DUS1L: variants seen among roughly 807,000 people sequenced by gnomAD.
DUS1L encodes the protein tRNA-dihydrouridine(16/17) synthase [NAD(P)(+)]-like.
In DUS1L, 56 loss-of-function variants were observed where a neutral mutation model predicts 61.2. The ratio of observed to expected loss-of-function variants is 0.92; its 90% CI spans 0.74 to 1.14. The LOEUF (loss-of-function observed/expected upper bound fraction) is 1.14. Ranked by LOEUF, DUS1L falls within the 50% of genes most tolerant of loss-of-function variation. The probability of loss-of-function intolerance (pLI) is 0.00; values close to 1 mark genes in which losing one functional copy is unlikely to be tolerated. For missense variants in DUS1L, 630 were observed against 632.4 expected, an observed-to-expected ratio of 1.00 and a Z score of 0.04; for synonymous variants, 278 against 259.5, an observed-to-expected ratio of 1.07 and a Z score of -0.69.
chr17:82,058,785 G>C lies in DUS1L; in HGVS notation c.1202C>G (p.Pro401Arg). ...KYAKCDQCGN[P>R]KGNRCVFSLC... is the part of the protein sequence containing the mutation. ...TTGCAGCCGGAACCCACTCACCTTT[G>C]GGTTTCCACACTGGTCACACTTTGC... The change falls in exon 12 of 14, where the codon CCA becomes CGA. Residue 401 changes from proline (P) to arginine (R), a missense_variant. Pro to Arg is a moderately radical substitution (Grantham distance 103, BLOSUM62 -2). Coordinates refer to ENST00000306796, the MANE Select transcript of DUS1L (RefSeq NM_022156.5). 1.2e-6 allele frequency: 2 copies of C among 1,613,406 alleles called. No individual in the cohort carries two copies. The highest frequency in any genetic ancestry group is 1.7e-6 in the Non-Finnish European group (2 of 1,179,922).
In DUS1L at chr17:82,060,913, G is replaced by T; in HGVS notation, c.891C>A (p.Thr297=). ...ELREELAKVK[T]LEGIAAVSQE... is the part of the protein sequence containing the mutation. The stretch of plus-strand genomic sequence containing the variant: ...GGCTCACAGCAGCGATGCCCTCCAG[G>T]GTCTTCACCTTGGCCAGCTCCTCTC... Residue 297 remains threonine, a synonymous_variant, in exon 9 of 14, where the codon ACC becomes ACA. Coordinates refer to ENST00000306796, the MANE Select transcript of DUS1L (RefSeq NM_022156.5). 1 of 1,611,298 alleles carries T rather than the reference G, an allele frequency of 6.2e-7. No homozygotes were observed. The highest frequency in any genetic ancestry group is 8.5e-7 in the Non-Finnish European group (1 of 1,179,914).
At chr17:82,058,491 C>T (rs148506045) in intron 12 of DUS1L, 75 bp from the exon 13 acceptor site, 176 of 1,470,632 alleles carry the variant, frequency 1.2e-4, no homozygotes, top group Middle Eastern at 2.4e-4. Flanking sequence ...GGGAGCAGCC[C>T]CACTGGGGAA....
Position 82,058,207 on chromosome 17 carries a change from T to A in DUS1L, c.1330A>T (p.Lys444Ter). ...TCCTGCAGCTCAGGCTGGGCCTCTT[T>A]CCAGGCCAGAGACTTCTCCAATTTG... ...KTKLEKSLAW[K>*]EAQPELQEPQ... Residue 444 changes from lysine (K) to a stop codon, truncating the protein, a stop_gained, in exon 14 of 14, where the codon AAA becomes TAA. Coordinates refer to ENST00000306796, the MANE Select transcript of DUS1L (RefSeq NM_022156.5). LOFTEE classifies it low-confidence loss of function (END_TRUNC). 1 of 1,599,988 alleles carries A rather than the reference T, an allele frequency of 6.3e-7. No homozygotes were observed. The highest frequency in any genetic ancestry group is 8.5e-7 in the Non-Finnish European group (1 of 1,170,538).
rs759921904 is a variant in DUS1L at position 82,062,960 on chromosome 17, G to T, written c.411C>A (p.His137Gln). ...DLLQRMILLAHEKLSVPVTCK... is the reference protein window; with the variant it reads ...DLLQRMILLAQEKLSVPVTCK... ...ACGTGACAGGAACAGAGAGTTTCTC[G>T]TGGGCCAGCAAAACTGGGGAGAAGA... Residue 137 changes from histidine to glutamine, a missense_variant, in exon 5 of 14, where the codon CAC becomes CAA. Physicochemically the swap from His to Gln is conservative, Grantham distance 24 (BLOSUM62 0). Transcript: ENST00000306796. 4.3e-6 allele frequency: 7 copies of T among 1,612,760 alleles called. No individual in the cohort carries two copies. The highest frequency in any genetic ancestry group is 1.3e-5 in the African/African-American group (1 of 74,936).
intron 11 of DUS1L, chr17:82,059,095 TCCTAC>T: frequency 4.0e-6 from 2 of 501,356 alleles, no homozygotes; most frequent in South Asian, 4.9e-5. Context: ...GCCTTATCTG[TCCTAC>T]CCCCAGGCAG....
At chr17:82,059,000 C>T in intron 11 of DUS1L, 182 bp from the exon 12 acceptor site, 1 of 623,906 alleles carries the variant, frequency 1.6e-6, no homozygotes, top group South Asian at 1.8e-5. Context: ...CTTCCGTGAG[C>T]AATGGGTGAG....
At chr17:82,063,092 A>C in intron 4 of DUS1L, 119 bp from the exon 5 acceptor site, 1 of 876,444 alleles carries the variant, frequency 1.1e-6, no homozygotes, top group Non-Finnish European at 1.8e-6. Flanking sequence ...GGAGGCTGGG[A>C]GGCAGCCCGG....
chr17:82,059,021 G>A (rs1022662290), intron 11 of DUS1L: 9 of 596,712 alleles, frequency 1.5e-5, no homozygotes, highest in Non-Finnish European at 2.4e-5. Flanking sequence ...GGGATGCAGG[G>A]GGCACCATCC....
chr17:82,058,504 C>G, intron 12 of DUS1L, 88 bp from the exon 13 acceptor site: 1 of 1,472,426 alleles, frequency 6.8e-7, no homozygotes, highest in South Asian at 1.4e-5. Context: ...CTGGGGAAGC[C>G]TCTGCCAGAT....
intron 2 of DUS1L, 77 bp from the exon 3 acceptor site, chr17:82,064,311 G>T: frequency 7.8e-7 from 1 of 1,276,094 alleles, no homozygotes; most frequent in Non-Finnish European, 1.1e-6. Context: ...GAGAGGTCCA[G>T]TGTGACCCCA....
At chr17:82,064,004 G>A (rs1232822897) in intron 3 of DUS1L, 122 bp downstream of exon 3, 7 of 839,884 alleles carry the variant, frequency 8.3e-6, no homozygotes, top group Non-Finnish European at 1.3e-5. Flanking sequence ...GCTGGCTCCA[G>A]CCTGAGCCAC....
chr17:82,058,011 C>T lies in DUS1L; in HGVS notation c.*104G>A, dbSNP rs1051036615. 5 of 1,393,474 alleles carry T rather than the reference C, an allele frequency of 3.6e-6. No homozygotes were observed. Among genetic ancestry groups the T allele is most frequent in the Non-Finnish European group, 4.7e-6 (5 of 1,061,826 alleles). The allele number at this position is 1,393,474 out of a possible 1,614,324, so 86.3% of individuals were successfully genotyped here. A position where few individuals can be genotyped will look rare whatever the true frequency, so the allele number is the denominator to read the frequency against. Reference sequence around the variant, plus strand: ...GGGCCGAAGGGGGACATGGGCGTGTCTTTCCACATTAAGTAGCAGGAGATT... The same window carrying T: ...GGGCCGAAGGGGGACATGGGCGTGTTTTTCCACATTAAGTAGCAGGAGATT... On this transcript the variant is annotated 3_prime_UTR_variant, in exon 14 of 14. Transcript: ENST00000306796.
intron 12 of DUS1L, 32 bp downstream of exon 12, chr17:82,058,749 G>A: frequency 6.2e-7 from 1 of 1,613,068 alleles, no homozygotes; most frequent in Non-Finnish European, 8.5e-7. Context: ...CAAAGCTGAA[G>A]CCTTGGTGGC....
At position 82,061,927 on chromosome 17, in the gene DUS1L, C is replaced by T. The variant is rs754386757; in HGVS notation, c.567G>A (p.Ala189=). 38 of 1,610,806 alleles carry T rather than the reference C, an allele frequency of 2.4e-5. No individual in the cohort carries two copies. Among genetic ancestry groups the T allele is most frequent in the Admixed American group, 3.3e-5 (2 of 59,856 alleles). The part of the protein sequence containing the change: ...KEQKGPLSGA[A]SWEHIKAVRK... ...GCACAGCCTTGATATGCTCCCAGGA[C>T]GCTGCACCCGACAGGGGCCCCTTCT... The change falls in exon 6 of 14, where the codon GCG becomes GCA. Residue 189 remains alanine, a synonymous_variant. Transcript: ENST00000306796.
In DUS1L at chr17:82,057,955, C is replaced by T. The variant is rs757692005; in HGVS notation, c.*160G>A. The stretch of plus-strand genomic sequence containing the variant: ...GGGCAGGTCCAGCCTGGGGCCTGCT[C>T]CCCACTGCAGCATTTCCAGGCCCCC... On this transcript the variant is annotated 3_prime_UTR_variant, in exon 14 of 14. Coordinates refer to ENST00000306796, the MANE Select transcript of DUS1L (RefSeq NM_022156.5). 5.1e-5 allele frequency: 45 copies of T among 875,646 alleles called. No homozygotes were observed. The highest frequency in any genetic ancestry group is 6.7e-5 in the Non-Finnish European group (41 of 614,970). The allele number at this position is 875,646 out of a possible 1,614,324, so 54.2% of individuals were successfully genotyped here. A position where few individuals can be genotyped will look rare whatever the true frequency, so the allele number is the denominator to read the frequency against.
intron 5 of DUS1L, 150 bp from the exon 6 acceptor site, chr17:82,062,133 ACCTTTC>A (rs2033539169): frequency 4.4e-6 from 3 of 680,270 alleles, no homozygotes; most frequent in Non-Finnish European, 7.2e-6. Context: ...GACTGCAGGG[ACCTTTC>A]CCTCACCATA....
intron 11 of DUS1L, chr17:82,059,708 T>C (rs2033365618): frequency 1.8e-6 from 1 of 552,838 alleles, no homozygotes; most frequent in Admixed American, 3.1e-5. Flanking sequence ...GAAAAGCTTG[T>C]CCCATAGCCT....
chr17:82,060,392 T>C, intron 10 of DUS1L: 1 of 579,400 alleles, frequency 1.7e-6, no homozygotes, highest in South Asian at 2.2e-5. Context: ...GGTCAACCTC[T>C]TGACCCACGG....
chr17:82,064,741 G>T, intron 2 of DUS1L, 82 bp downstream of exon 2: 1 of 1,376,442 alleles, frequency 7.3e-7, no homozygotes, highest in Non-Finnish European at 1.0e-6. Context: ...GTGATGTCCC[G>T]CCACAGAGAG....
Sources: allele counts gnomAD v4.1 joint callset, GRCh38; gene constraint gnomAD v4.1.1; transcripts MANE v1.5; gene names NCBI Gene and HGNC (gene_info 2026-07-23, HGNC 2026-07-21).